PXT1: variants seen among roughly 807,000 people sequenced by gnomAD.
PXT1 encodes the protein peroxisomal testis enriched protein 1.
In PXT1, 11 loss-of-function variants were observed where a neutral mutation model predicts 11.0. The ratio of observed to expected loss-of-function variants is 1.00; its 90% CI spans 0.63 to 1.66. The LOEUF (loss-of-function observed/expected upper bound fraction) is 1.66. PXT1 is among the 40% of genes most tolerant of loss of function. The probability of loss-of-function intolerance (pLI) is 0.00; values close to 1 mark genes in which losing one functional copy is unlikely to be tolerated. For synonymous variants in PXT1, 43 were observed against 51.4 expected (o/e 0.84, Z 0.70); for missense variants, 141 against 155.5 (o/e 0.91, Z 0.49).
At chr6:36,423,403 A>G (rs954323939) in intron 3 of PXT1, among the ~76,000 whole-genome samples, 5 of 152,226 alleles carry the variant, frequency 3.3e-5, no homozygotes, top group Admixed American at 1.3e-4. Context: ...TCTGTGGTGG[A>G]AAAAGCGCGC....
intron 1 of PXT1, among the ~76,000 whole-genome samples, chr6:36,441,433 C>T (rs1014703017): frequency 1.3e-5 from 2 of 152,190 alleles, no homozygotes; most frequent in Non-Finnish European, 2.9e-5. Flanking sequence ...TTCTTAGAGT[C>T]AGTCAGGTTG....
chr6:36,434,107 A>C (rs941543990), intron 2 of PXT1, among the ~76,000 whole-genome samples: 1 of 151,612 alleles, frequency 6.6e-6, no homozygotes, highest in African/African-American at 2.4e-5. Context: ...AGCTCACTGC[A>C]GTGAGCTATG....
Position 36,400,532 on chromosome 6 carries a change from G to T in PXT1, c.222C>A (p.His74Gln), listed in dbSNP as rs373126614. ...CCAACTTGTGAATTATTTCCTCCTG[G>T]TGATGCTTCTGAACAATGCTATGCT... ...PKEHSIVQKH[H>Q]QEEIIHKLAM... is the part of the protein sequence containing the mutation. Residue 74 changes from histidine to glutamine, a missense_variant, in exon 4 of 5, where the codon CAC becomes CAA. Physicochemically the swap from His to Gln is conservative, Grantham distance 24. Coordinates refer to ENST00000454782, the MANE Select transcript of PXT1 (RefSeq NM_152990.4). 1.4e-4 allele frequency: 231 copies of T among 1,613,712 alleles called. No homozygotes were observed. Among genetic ancestry groups the T allele is most frequent in the Non-Finnish European group, 1.9e-4 (225 of 1,179,868 alleles).
At chr6:36,426,341 T>C (rs914986956) in intron 2 of PXT1, among the ~76,000 whole-genome samples, 14 of 146,864 alleles carry the variant, frequency 9.5e-5, no homozygotes, top group African/African-American at 3.0e-4. Flanking sequence ...TTAGTCTTTC[T>C]TCTCTCTCTC....
chr6:36,434,390 T>C (rs1429500864), intron 2 of PXT1, among the ~76,000 whole-genome samples: 1 of 152,180 alleles, frequency 6.6e-6, no homozygotes, highest in Non-Finnish European at 1.5e-5. Context: ...CCCTCAACTT[T>C]TTATGTTTGA....
chr6:36,436,066 T>C (rs148705639), intron 2 of PXT1, among the ~76,000 whole-genome samples: 2 of 145,430 alleles, frequency 1.4e-5, no homozygotes, highest in African/African-American at 5.1e-5. Context: ...TTTTAAATGA[T>C]GTGCCTGGAT....
chr6:36,422,461 TCTC>T (rs1774535548), intron 3 of PXT1, among the ~76,000 whole-genome samples: 1 of 152,180 alleles, frequency 6.6e-6, no homozygotes, highest in Non-Finnish European at 1.5e-5. Flanking sequence ...CATCTAGACC[TCTC>T]CTTAGCACTT....
intron 2 of PXT1, among the ~76,000 whole-genome samples, chr6:36,436,906 G>C (rs544823411): frequency 6.6e-6 from 1 of 152,114 alleles, no homozygotes; most frequent in African/African-American, 2.4e-5. Flanking sequence ...TGATAAGTAG[G>C]CTTCAACTAG....
intron 2 of PXT1, among the ~76,000 whole-genome samples, chr6:36,433,132 T>C (rs1465949192): frequency 6.6e-6 from 1 of 151,820 alleles, no homozygotes; most frequent in African/African-American, 2.4e-5. Flanking sequence ...ATAAAAAAAA[T>C]TCTAAACCTC....
chr6:36,431,896 G>C (rs6457916), intron 2 of PXT1, among the ~76,000 whole-genome samples: 150,632 of 152,200 alleles, frequency 0.99, 74,567 homozygotes, highest in East Asian at 1. Flanking sequence ...CATGGTGAAA[G>C]CCCGTCTCCA....
At chr6:36,435,464 G>GT (rs1298411890) in intron 2 of PXT1, among the ~76,000 whole-genome samples, 1 of 152,108 alleles carries the variant, frequency 6.6e-6, no homozygotes, top group African/African-American at 2.4e-5. Context: ...TCAGGAGGCT[G>GT]AGGCAGGAGG....
At chr6:36,431,804 C>A (rs1774697334) in intron 2 of PXT1, among the ~76,000 whole-genome samples, 1 of 152,056 alleles carries the variant, frequency 6.6e-6, no homozygotes, top group African/African-American at 2.4e-5. Flanking sequence ...GGCGTGGTGG[C>A]TTATGCCTGT....
At chr6:36,405,844 G>A (rs1774281247) in intron 3 of PXT1, among the ~76,000 whole-genome samples, 1 of 152,010 alleles carries the variant, frequency 6.6e-6, no homozygotes, top group South Asian at 2.1e-4. Flanking sequence ...TGTTACAATT[G>A]CCTACAATAT....
At position 36,411,999 on chromosome 6, in the gene PXT1, T is replaced by C. The variant is rs367750572; in HGVS notation, c.170-11415A>G. ...AGTAATCCTGAAGAAAACACATAAT[T>C]CAGTGAAAGAAAATAATGTTTTGCA... is the stretch of plus-strand genomic sequence containing the variant. On this transcript the variant is annotated intron_variant, in intron 3 of 4. Coordinates refer to ENST00000454782, the MANE Select transcript of PXT1 (RefSeq NM_152990.4). Among the ~76,000 whole-genome samples the C allele has an allele frequency of 3.3e-5, 5 of 151,960 alleles. No individual in the cohort carries two copies. In the East Asian group the frequency reaches 9.7e-4, roughly 29 times the overall value.
chr6:36,412,217 T>G (rs1048763439), intron 3 of PXT1, among the ~76,000 whole-genome samples: 5 of 151,554 alleles, frequency 3.3e-5, no homozygotes, highest in Non-Finnish European at 7.4e-5. Flanking sequence ...CCAGGCGTGG[T>G]GGCGTGCACC....
At chr6:36,397,959 G>A (rs9368928) in intron 4 of PXT1, among the ~76,000 whole-genome samples, 71,804 of 151,750 alleles carry the variant, frequency 0.47, 17,419 homozygotes, top group Middle Eastern at 0.58. Context: ...AAGGCTGTGT[G>A]AGCTATGATC....
intron 3 of PXT1, among the ~76,000 whole-genome samples, chr6:36,402,153 C>T (rs1020230208): frequency 6.6e-6 from 1 of 152,090 alleles, no homozygotes; most frequent in Non-Finnish European, 1.5e-5. Context: ...TTGATGAGCT[C>T]TCCAAACTTT....
At chr6:36,409,897 A>AAGAAG (rs2127412914) in intron 3 of PXT1, among the ~76,000 whole-genome samples, 1 of 147,252 alleles carries the variant, frequency 6.8e-6, no homozygotes, top group South Asian at 2.2e-4. Context: ...AAGGAAGGAA[A>AAGAAG]GAAGGAAGGA....
intron 2 of PXT1, among the ~76,000 whole-genome samples, chr6:36,437,201 C>G (rs1307809561): frequency 1.3e-5 from 2 of 151,998 alleles, no homozygotes; most frequent in Non-Finnish European, 2.9e-5. Flanking sequence ...GCAGGAGAAT[C>G]GCTTGAACCT....
Sources: gnomAD v4.1 joint callset for allele counts (sites outside exome capture counted in the v4.1 genomes callset) on GRCh38, gnomAD v4.1.1 for gene constraint, MANE v1.5 for transcripts, NCBI Gene and HGNC (gene_info 2026-07-23, HGNC 2026-07-21) for gene names.